The following SMIM35 variants were observed in gnomAD, a reference collection of about 807,000 sequenced individuals.
SMIM35 encodes the protein TMPRSS4 antisense RNA 1 (non-protein coding).
intron 1 of SMIM35, among the ~76,000 whole-genome samples, chr11:118,078,013 CAAAAAAAAAAAAAAAAA>C (rs148383275): frequency 9.9e-5 from 7 of 71,050 alleles, no homozygotes; most frequent in African/African-American, 1.7e-4. Context: ...AACTCCGTCT[CAAAAAAAAAAAAAAAAA>C]AAAAAAAAAA....
intron 1 of SMIM35, among the ~76,000 whole-genome samples, chr11:118,053,151 A>G (rs1163574416): frequency 6.6e-6 from 1 of 152,122 alleles, no homozygotes; most frequent in African/African-American, 2.4e-5. Flanking sequence ...GACTAAAAAT[A>G]CAAAATTTAG....
chr11:118,012,104 C>T lies in SMIM35; in HGVS notation c.*33+1644G>A, dbSNP rs181404704. On this transcript the variant is annotated intron_variant, in intron 4 of 4. Coordinates refer to ENST00000689828, the MANE Select transcript of SMIM35 (RefSeq NM_001394165.1). ...GGAAGAGAAATCACACAGCTTCCCTCCTCCTCCCACTTGCTCTATTGGGCT... is the reference window on the plus strand; with the variant it reads ...GGAAGAGAAATCACACAGCTTCCCTTCTCCTCCCACTTGCTCTATTGGGCT... 7.2e-5 allele frequency among the ~76,000 whole-genome samples: 11 copies of T among 152,334 alleles called. No individual in the cohort carries two copies. The East Asian group carries it at 1.5e-3, about 21-fold the overall frequency.
At position 118,050,210 on chromosome 11, in the gene SMIM35, G is replaced by A. The variant is rs977613421; in HGVS notation, c.8-34401C>T. On this transcript the variant is annotated intron_variant, in intron 1 of 4. Coordinates refer to ENST00000689828, the MANE Select transcript of SMIM35 (RefSeq NM_001394165.1). ...GTGATGTATACCTCGTGCTATTGCT[G>A]TGAGAGTCACATGAAGTAATGGAAG... Among the ~76,000 whole-genome samples, 6 of 152,232 alleles carry A rather than the reference G, an allele frequency of 3.9e-5. No individual in the cohort carries two copies. The East Asian group carries it at 1.2e-3, about 29-fold the overall frequency.
chr11:118,045,873 G>C (rs1162128256), intron 1 of SMIM35, among the ~76,000 whole-genome samples: 2 of 152,194 alleles, frequency 1.3e-5, no homozygotes, highest in Non-Finnish European at 2.9e-5. Context: ...AAGACTTGGA[G>C]CCAGGCCATC....
At chr11:118,028,268 C>T (rs1210219324) in intron 1 of SMIM35, among the ~76,000 whole-genome samples, 2 of 152,188 alleles carry the variant, frequency 1.3e-5, no homozygotes, top group Non-Finnish European at 2.9e-5. Flanking sequence ...TCCTGTGGAC[C>T]AAAGCGTGGT....
chr11:118,024,519 C>G (rs1227301910), intron 1 of SMIM35, among the ~76,000 whole-genome samples: 2 of 152,118 alleles, frequency 1.3e-5, no homozygotes, highest in African/African-American at 2.4e-5. Context: ...GTTATCCAGG[C>G]TGGAGTGCAA....
chr11:118,030,154 C>T (rs1026608596), intron 1 of SMIM35, among the ~76,000 whole-genome samples: 1 of 152,078 alleles, frequency 6.6e-6, no homozygotes, highest in Non-Finnish European at 1.5e-5. Context: ...TCCACCTCAG[C>T]CTCCCGAGTA....
rs149866264 is a variant in SMIM35, at chr11:118,075,569, G to A, written c.7+11182C>T. On this transcript the variant is annotated intron_variant, in intron 1 of 4. Transcript: ENST00000689828. Reference sequence around the variant, plus strand: ...CCAGGTTCCAGCCCCAACTCTGCCCGAAACTACTTCATGTCCATAGGCTAT... The same window carrying A: ...CCAGGTTCCAGCCCCAACTCTGCCCAAAACTACTTCATGTCCATAGGCTAT... Among the ~76,000 whole-genome samples the A allele has an allele frequency of 9.3e-4, 142 of 152,296 alleles. 1 individual carries two copies. The highest frequency in any genetic ancestry group is 3.4e-3 in the Middle Eastern group (1 of 294).
chr11:118,019,474 C>A (rs918698979), intron 1 of SMIM35, among the ~76,000 whole-genome samples: 1 of 152,152 alleles, frequency 6.6e-6, no homozygotes, highest in African/African-American at 2.4e-5. Context: ...AATTTACGGA[C>A]AAAATACCAG....
intron 1 of SMIM35, among the ~76,000 whole-genome samples, chr11:118,042,308 AC>A (rs1443333099): frequency 6.6e-6 from 1 of 152,126 alleles, no homozygotes; most frequent in Non-Finnish European, 1.5e-5. Context: ...ACAGAAACAA[AC>A]ATAATAAGAA....
At chr11:118,049,371 C>G (rs1471878142) in intron 1 of SMIM35, among the ~76,000 whole-genome samples, 2 of 97,586 alleles carry the variant, frequency 2.0e-5, no homozygotes, top group African/African-American at 4.4e-5. Context: ...TTTTTTGAGA[C>G]AGAGCCTTGC....
intron 1 of SMIM35, among the ~76,000 whole-genome samples, chr11:118,046,326 T>G (rs1944097007): frequency 6.6e-6 from 1 of 152,180 alleles, no homozygotes; most frequent in Non-Finnish European, 1.5e-5. Context: ...ATGATGCCAC[T>G]TTGGTCTGAT....
At chr11:118,059,717 C>T (rs1944368440) in intron 1 of SMIM35, among the ~76,000 whole-genome samples, 1 of 152,168 alleles carries the variant, frequency 6.6e-6, no homozygotes, top group Non-Finnish European at 1.5e-5. Context: ...TCATTTGCCG[C>T]CTTACCTGGA....
At chr11:118,042,352 A>G (rs1319771438) in intron 1 of SMIM35, among the ~76,000 whole-genome samples, 1 of 152,174 alleles carries the variant, frequency 6.6e-6, no homozygotes, top group African/African-American at 2.4e-5. Context: ...AACAAAATAG[A>G]TAACTTAGAT....
chr11:118,019,474 C>T (rs918698979), intron 1 of SMIM35, among the ~76,000 whole-genome samples: 14 of 152,270 alleles, frequency 9.2e-5, no homozygotes, highest in Middle Eastern at 3.4e-3. Flanking sequence ...AATTTACGGA[C>T]AAAATACCAG....
At chr11:118,070,924 C>T (rs1409826258) in intron 1 of SMIM35, among the ~76,000 whole-genome samples, 3 of 152,156 alleles carry the variant, frequency 2.0e-5, no homozygotes, top group African/African-American at 4.8e-5. Flanking sequence ...GCCTAGGCAT[C>T]CTGGGTTACA....
intron 1 of SMIM35, among the ~76,000 whole-genome samples, chr11:118,062,958 A>G (rs909422887): frequency 6.6e-6 from 1 of 152,166 alleles, no homozygotes; most frequent in Non-Finnish European, 1.5e-5. Context: ...GCCAAAACCC[A>G]CCAAGACCAA....
chr11:118,028,880 A>C (rs780382965), intron 1 of SMIM35: 52 of 440,720 alleles, frequency 1.2e-4, no homozygotes, highest in African/African-American at 1.1e-3. Flanking sequence ...AAGTTGGGGG[A>C]GAAGAAGGAG....
chr11:118,025,471 A>G (rs1208681294), intron 1 of SMIM35: 1 of 455,048 alleles, frequency 2.2e-6, no homozygotes, highest in Non-Finnish European at 4.4e-6. Context: ...CTGACTTCTT[A>G]ATAGTAGCTT....
Sources: allele counts gnomAD v4.1 joint callset (sites outside exome capture counted in the v4.1 genomes callset), GRCh38; gene constraint gnomAD v4.1.1; transcripts MANE v1.5; gene names NCBI Gene and HGNC (gene_info 2026-07-23, HGNC 2026-07-21).